Variants in RORA observed in about 807,000 individuals in gnomAD.
RORA encodes the protein RAR related orphan receptor A, also known as nuclear receptor ROR-alpha.
RORA carries 7 observed loss-of-function variants against 69.5 expected under a neutral mutation model. The observed-to-expected ratio is 0.10, with a 90% CI of 0.06 to 0.19. The LOEUF (loss-of-function observed/expected upper bound fraction) is 0.19, where lower values mean the gene tolerates loss of function less well. Ranked by LOEUF, RORA falls within the 10% of genes least tolerant of loss-of-function variation. RORA has a pLI of 1.00. For missense variants in RORA, 457 were observed against 663.0 expected (o/e 0.69, Z 3.41); for synonymous variants, 261 against 240.8 (o/e 1.08, Z -0.78).
At chr15:60,972,797 T>C (rs1293925659) in intron 1 of RORA, among the ~76,000 whole-genome samples, 1 of 152,210 alleles carries the variant, frequency 6.6e-6, no homozygotes, top group African/African-American at 2.4e-5. Flanking sequence ...TGGTAAAGCA[T>C]GTTGATTCGT....
At chr15:61,070,730 C>G (rs2078329825) in intron 1 of RORA, among the ~76,000 whole-genome samples, 1 of 152,194 alleles carries the variant, frequency 6.6e-6, no homozygotes, top group Non-Finnish European at 1.5e-5. Flanking sequence ...TGCCCAGGGC[C>G]ATCTAACTAG....
chr15:60,500,170 A>G lies in RORA; in HGVS notation c.1295-166T>C, dbSNP rs570712311. ...ATTTCTCCTAATGGAGTGAAAAGTG[A>G]TCCAAGGAAGTTATAAAACAGGGTG... On this transcript the variant is annotated intron_variant, in intron 9 of 10. Transcript: ENST00000335670. Among the ~76,000 whole-genome samples, 3 of 152,108 alleles carry G rather than the reference A, an allele frequency of 2.0e-5. No homozygotes were observed. In the South Asian group the frequency reaches 6.2e-4, roughly 32 times the overall value.
intron 2 of RORA, among the ~76,000 whole-genome samples, chr15:60,560,274 T>C (rs1230955179): frequency 6.6e-6 from 1 of 152,090 alleles, no homozygotes; most frequent in African/African-American, 2.4e-5. Context: ...TTTGTTTGTG[T>C]TCTCAAGAAT....
At chr15:61,065,388 G>A (rs990804986) in intron 1 of RORA, among the ~76,000 whole-genome samples, 7 of 152,028 alleles carry the variant, frequency 4.6e-5, no homozygotes, top group Admixed American at 3.3e-4. Context: ...CTTCCCTAAC[G>A]TAAGTCAGTC....
intron 1 of RORA, among the ~76,000 whole-genome samples, chr15:61,158,374 T>C (rs1232247081): frequency 6.6e-6 from 1 of 152,206 alleles, no homozygotes; most frequent in Non-Finnish European, 1.5e-5. Context: ...CTCAACTTTC[T>C]AGAACTGGCG....
At chr15:60,750,317 T>A in intron 1 of RORA, among the ~76,000 whole-genome samples, 1 of 152,246 alleles carries the variant, frequency 6.6e-6, no homozygotes, top group East Asian at 1.9e-4. Context: ...AATCAGTATT[T>A]CCTTTGTTTT....
chr15:60,681,526 T>C (rs2070642330), intron 1 of RORA: 1 of 152,228 alleles, frequency 6.6e-6, no homozygotes, highest in African/African-American at 2.4e-5. Context: ...GAAGAGCATA[T>C]TGAATTGAAT....
chr15:60,906,180 T>C (rs1178542440), intron 1 of RORA, among the ~76,000 whole-genome samples: 1 of 152,212 alleles, frequency 6.6e-6, no homozygotes, highest in Non-Finnish European at 1.5e-5. Context: ...TAGGCAGCCC[T>C]GGCGCGAGGG....
At chr15:60,775,250 C>A (rs1458079687) in intron 1 of RORA, among the ~76,000 whole-genome samples, 2 of 152,174 alleles carry the variant, frequency 1.3e-5, no homozygotes, top group East Asian at 3.9e-4. Context: ...CCCCACCGAG[C>A]CCTGATGGTG....
chr15:61,088,592 A>G (rs1441288865), intron 1 of RORA, among the ~76,000 whole-genome samples: 2 of 152,298 alleles, frequency 1.3e-5, no homozygotes, highest in East Asian at 3.9e-4. Flanking sequence ...TGTAACCTCA[A>G]GTAACTTGCC....
chr15:60,973,363 CT>C (rs1893781430), intron 1 of RORA, among the ~76,000 whole-genome samples: 2 of 152,206 alleles, frequency 1.3e-5, no homozygotes, highest in Non-Finnish European at 2.9e-5. Flanking sequence ...ACTTGCTTAT[CT>C]CCTGATTCAG....
chr15:60,684,847 G>C (rs913737934), intron 1 of RORA, among the ~76,000 whole-genome samples: 1 of 152,040 alleles, frequency 6.6e-6, no homozygotes, highest in Non-Finnish European at 1.5e-5. Flanking sequence ...GCTTTCACAA[G>C]ATTTATTCTC....
chr15:60,808,847 A>G (rs1028797226), intron 1 of RORA, among the ~76,000 whole-genome samples: 1 of 152,080 alleles, frequency 6.6e-6, no homozygotes, highest in Non-Finnish European at 1.5e-5. Flanking sequence ...GTTTGCAGCA[A>G]CGTGGAAGGA....
At chr15:60,994,109 G>A (rs1033619575) in intron 1 of RORA, among the ~76,000 whole-genome samples, 3 of 152,202 alleles carry the variant, frequency 2.0e-5, no homozygotes, top group African/African-American at 7.2e-5. Context: ...GTTTGAACTG[G>A]ACAAACAGGT....
rs564629167 is a variant in RORA, at chr15:60,876,840, C to T, written c.167-198154G>A. On this transcript the variant is annotated intron_variant, in intron 1 of 10. Coordinates refer to ENST00000335670, the MANE Select transcript of RORA (RefSeq NM_134261.3). ...AGACACCTAGTCACAATTCAAGATG[C>T]TAAGTGCTATTAAATTTTGTGGATA... Among the ~76,000 whole-genome samples the T allele has an allele frequency of 3.3e-5, 5 of 152,262 alleles. No individual in the cohort carries two copies. In the East Asian group the frequency reaches 7.7e-4, roughly 24 times the overall value.
At chr15:61,027,142 G>A (rs909430905) in intron 1 of RORA, among the ~76,000 whole-genome samples, 3 of 152,218 alleles carry the variant, frequency 2.0e-5, no homozygotes, top group Non-Finnish European at 2.9e-5. Flanking sequence ...CAGTGTGGGC[G>A]AGGGTCCATT....
chr15:60,611,486 A>G (rs2069084380), intron 2 of RORA, among the ~76,000 whole-genome samples: 1 of 135,252 alleles, frequency 7.4e-6, no homozygotes, highest in Non-Finnish European at 1.5e-5. Flanking sequence ...TAATAATTCT[A>G]TTCTGCATTT....
chr15:60,579,081 T>A (rs1191897191), intron 2 of RORA, among the ~76,000 whole-genome samples: 1 of 151,092 alleles, frequency 6.6e-6, no homozygotes, highest in Non-Finnish European at 1.5e-5. Context: ...TTTTTTTTTT[T>A]TTTTTAACAG....
intron 1 of RORA, among the ~76,000 whole-genome samples, chr15:60,991,131 A>C (rs950024619): frequency 2.0e-5 from 3 of 152,238 alleles, no homozygotes; most frequent in African/African-American, 7.2e-5. Flanking sequence ...GAAGACACGG[A>C]CTATACCCAG....
Sources: allele counts gnomAD v4.1 joint callset (sites outside exome capture counted in the v4.1 genomes callset), GRCh38; gene constraint gnomAD v4.1.1; transcripts MANE v1.5; gene names NCBI Gene and HGNC (gene_info 2026-07-23, HGNC 2026-07-21).